CLVS1: variants seen among roughly 807,000 people sequenced by gnomAD.
CLVS1 encodes the protein clavesin 1, also known as clavesin-1.
CLVS1 carries 10 observed loss-of-function variants against 33.1 expected under a neutral mutation model. The observed-to-expected ratio is 0.30, with a 90% CI of 0.19 to 0.51. The LOEUF is 0.51. CLVS1 is among the 20% of genes least tolerant of loss of function. The pLI is 0.97. For synonymous variants in CLVS1, 163 were observed against 166.1 expected, an observed-to-expected ratio of 0.98 and a Z score of 0.14; for missense variants, 343 against 433.4, an observed-to-expected ratio of 0.79 and a Z score of 1.85.
intron 2 of CLVS1, among the ~76,000 whole-genome samples, chr8:61,144,418 A>G (rs1444517102): frequency 6.6e-6 from 1 of 152,118 alleles, no homozygotes; most frequent in African/African-American, 2.4e-5. Context: ...TCCATGGTGT[A>G]TATGTGCCAC....
At chr8:61,286,972 T>C (rs988140143), upstream of CLVS1, among the ~76,000 whole-genome samples, 1 of 152,222 alleles carries the variant, frequency 6.6e-6, no homozygotes, top group African/African-American at 2.4e-5. Context: ...ACAGGCTATA[T>C]AAAAATTAAT....
chr8:61,244,398 T>C (rs1808766325), intron 2 of CLVS1, among the ~76,000 whole-genome samples: 1 of 152,158 alleles, frequency 6.6e-6, no homozygotes, highest in Non-Finnish European at 1.5e-5. Flanking sequence ...TATGGCCAAA[T>C]GTGTGATTAA....
chr8:61,233,547 A>C (rs933954071), intron 2 of CLVS1, among the ~76,000 whole-genome samples: 4 of 152,008 alleles, frequency 2.6e-5, no homozygotes, highest in Non-Finnish European at 4.4e-5. Context: ...AAAAGAAAAA[A>C]AAAAGTCCAC....
the CLVS1 span, among the ~76,000 whole-genome samples, chr8:60,987,722 A>G: frequency 1.3e-5 from 2 of 152,212 alleles, no homozygotes; most frequent in Non-Finnish European, 2.9e-5. Flanking sequence ...CATGCCCAGT[A>G]ACAATGGTCA....
intron 5 of CLVS1, among the ~76,000 whole-genome samples, chr8:61,499,065 C>T (rs1257632627): frequency 6.6e-6 from 1 of 152,124 alleles, no homozygotes; most frequent in African/African-American, 2.4e-5. Context: ...AAGATTATTC[C>T]AGTACTCCAA....
chr8:61,495,885 C>T (rs1804249831), intron 5 of CLVS1, among the ~76,000 whole-genome samples: 1 of 152,184 alleles, frequency 6.6e-6, no homozygotes, highest in Non-Finnish European at 1.5e-5. Flanking sequence ...GCTAAGGTGG[C>T]CAGTTTTAGA....
Position 61,218,845 on chromosome 8 carries a change from G to A in CLVS1, c.-151-80832G>A, listed in dbSNP as rs546102090. 2.0e-4 allele frequency among the ~76,000 whole-genome samples: 30 copies of A among 151,838 alleles called. No individual in the cohort carries two copies. In the South Asian group the frequency reaches 3.9e-3, roughly 20 times the overall value. On this transcript the variant is annotated intron_variant, in intron 2 of 2. Transcript: ENST00000522621. ...TCTAATCCCAGCCACTAGGGAGACT[G>A]AGGCAGGATAACCGCTTGAACCCGG...
intron 2 of CLVS1, among the ~76,000 whole-genome samples, chr8:61,373,231 A>G (rs970108850): frequency 2.6e-5 from 4 of 152,198 alleles, no homozygotes; most frequent in African/African-American, 4.8e-5. Flanking sequence ...CAGCTAAGGT[A>G]AGAGGTAGGC....
chr8:61,218,047 TG>T (rs775026476), intron 2 of CLVS1, among the ~76,000 whole-genome samples: 6 of 152,144 alleles, frequency 3.9e-5, no homozygotes, highest in Admixed American at 6.6e-5. Context: ...CATACATTGT[TG>T]GTGGGAATGT....
At chr8:61,483,642 CA>C (rs562077092) in intron 5 of CLVS1, among the ~76,000 whole-genome samples, 242 of 152,014 alleles carry the variant, frequency 1.6e-3, no homozygotes, top group Non-Finnish European at 3.0e-3. Context: ...AGAGACACAA[CA>C]AAAAAAGAGA....
At chr8:61,014,374 A>T in the CLVS1 span, among the ~76,000 whole-genome samples, 1 of 152,134 alleles carries the variant, frequency 6.6e-6, no homozygotes, top group Non-Finnish European at 1.5e-5. Flanking sequence ...GCCTGAGTTG[A>T]TGGGTGGTGA....
chr8:61,238,122 CT>C (rs1342864477), intron 2 of CLVS1, among the ~76,000 whole-genome samples: 1 of 152,176 alleles, frequency 6.6e-6, no homozygotes, highest in East Asian at 1.9e-4. Context: ...AGAAGATCTA[CT>C]TTCTTATTTA....
At chr8:61,161,822 G>T (rs1036275986) in intron 2 of CLVS1, among the ~76,000 whole-genome samples, 2 of 152,192 alleles carry the variant, frequency 1.3e-5, no homozygotes, top group Non-Finnish European at 2.9e-5. Flanking sequence ...AAATATGTGA[G>T]GTGATGGCTA....
chr8:61,417,347 T>C (rs1397907636), intron 3 of CLVS1, among the ~76,000 whole-genome samples: 2 of 152,216 alleles, frequency 1.3e-5, no homozygotes, highest in Non-Finnish European at 1.5e-5. Flanking sequence ...ATCTATGCTA[T>C]ATTTTTTTCT....
chr8:61,377,881 A>G (rs1813708589), intron 3 of CLVS1: 2 of 110,266 alleles, frequency 1.8e-5, no homozygotes, highest in African/African-American at 2.9e-5. Flanking sequence ...CAGGGATGCC[A>G]CATTGTCCTG....
chr8:61,038,371 T>A, the CLVS1 span, among the ~76,000 whole-genome samples: 1 of 151,382 alleles, frequency 6.6e-6, no homozygotes, highest in Non-Finnish European at 1.5e-5. Context: ...ATATGGAGCA[T>A]CACTCAGACA....
At chr8:61,227,727 G>A (rs1030810995) in intron 2 of CLVS1, among the ~76,000 whole-genome samples, 2 of 152,154 alleles carry the variant, frequency 1.3e-5, no homozygotes, top group Admixed American at 1.3e-4. Flanking sequence ...GTGTCATTTG[G>A]AGATACTTTA....
At chr8:61,483,541 G>T (rs1332147333) in intron 5 of CLVS1, among the ~76,000 whole-genome samples, 1 of 152,184 alleles carries the variant, frequency 6.6e-6, no homozygotes, top group East Asian at 1.9e-4. Context: ...CACTCCTTCT[G>T]AAACTATTCC....
chr8:61,229,335 C>T (rs1172479294), intron 2 of CLVS1, among the ~76,000 whole-genome samples: 2 of 152,190 alleles, frequency 1.3e-5, no homozygotes, highest in African/African-American at 2.4e-5. Flanking sequence ...AGCAATGTCC[C>T]TGGCCCTTAC....
Sources: allele counts gnomAD v4.1 joint callset (sites outside exome capture counted in the v4.1 genomes callset), GRCh38; gene constraint gnomAD v4.1.1; transcripts MANE v1.5; gene names NCBI Gene and HGNC (gene_info 2026-07-23, HGNC 2026-07-21).